The following RBM23 variants were observed in gnomAD, a reference collection of about 807,000 sequenced individuals.
The protein encoded by RBM23 is RNA binding motif protein 23, also known as probable RNA-binding protein 23.
RBM23 carries 53 observed loss-of-function variants against 56.2 expected under a neutral mutation model. The observed-to-expected ratio is 0.94, with a 90% CI of 0.76 to 1.19. The LOEUF (loss-of-function observed/expected upper bound fraction) is 1.19, where lower values mean the gene tolerates loss of function less well. Ranked by LOEUF, RBM23 falls within the 50% of genes most tolerant of loss-of-function variation. The probability of loss-of-function intolerance (pLI) is 0.00; values close to 1 mark genes in which losing one functional copy is unlikely to be tolerated. For missense variants in RBM23, 642 were observed against 590.3 expected (o/e 1.09, Z -0.91); for synonymous variants, 197 against 198.5 (o/e 0.99, Z 0.06).
chr14:22,901,571 T>C lies in RBM23; in HGVS notation c.*159A>G, dbSNP rs2040486862. On this transcript the variant is annotated 3_prime_UTR_variant, in exon 14 of 14. Coordinates refer to ENST00000359890, the MANE Select transcript of RBM23 (RefSeq NM_001077351.2). Reference sequence around the variant, plus strand: ...TTCCAGTGGGACCATGGGCAGGAGCTTTTCTTGGTATCTTAAGGGTGGCCC... The same window carrying C: ...TTCCAGTGGGACCATGGGCAGGAGCCTTTCTTGGTATCTTAAGGGTGGCCC... 9.2e-7 allele frequency: 1 copy of C among 1,083,394 alleles called. No individual in the cohort carries two copies. The highest frequency in any genetic ancestry group is 2.4e-5 in the East Asian group (1 of 40,976). 67.1% of individuals were successfully genotyped at this position (1,083,394 alleles called of 1,614,324 possible).
rs1330333989 is a variant in RBM23 at position 22,899,983 on chromosome 14, TA to T, written c.*1746del. The T allele has an allele frequency of 1.1e-4, 17 of 152,166 alleles. No individual in the cohort carries two copies. The highest frequency in any genetic ancestry group is 8.5e-4 in the Admixed American group (13 of 15,274). The allele number at this position is 152,166 out of a possible 1,614,324, so 9.4% of individuals were successfully genotyped here. On this transcript the variant is annotated 3_prime_UTR_variant, in exon 14 of 14. Transcript: ENST00000359890. Reference sequence around the variant, plus strand: ...AATTCAGGCCTTCTCATTTGGTCCCTAAGCTGGGTGAGACAGCCTCTCTCCC... The same window carrying T: ...AATTCAGGCCTTCTCATTTGGTCCCTAGCTGGGTGAGACAGCCTCTCTCCC...
In RBM23 at chr14:22,899,829, C is replaced by T. The variant is rs2040316968; in HGVS notation, c.*1901G>A. On this transcript the variant is annotated 3_prime_UTR_variant, in exon 14 of 14. Transcript: ENST00000359890. Reference sequence around the variant, plus strand: ...AAAGCAACCCCAGAGGCTAACATCACTGGCTTAGAAGTCTGAGAGCTGACA... The same window carrying T: ...AAAGCAACCCCAGAGGCTAACATCATTGGCTTAGAAGTCTGAGAGCTGACA... 1 of 152,254 alleles carries T rather than the reference C, an allele frequency of 6.6e-6. No homozygotes were observed. Among genetic ancestry groups the T allele is most frequent in the Admixed American group, 6.5e-5 (1 of 15,278 alleles). 9.4% of individuals were successfully genotyped at this position (152,254 alleles called of 1,614,324 possible).
intron 3 of RBM23, 163 bp from the exon 4 acceptor site, chr14:22,908,543 C>G (rs2041955578): frequency 1.6e-6 from 1 of 628,048 alleles, no homozygotes. Flanking sequence ...CAGGCATGTA[C>G]CATCATGCCC....
Position 22,905,157 on chromosome 14 carries a change from T to C in RBM23, c.663A>G (p.Pro221=). 8 of 1,614,218 alleles carry C rather than the reference T, an allele frequency of 5.0e-6. No homozygotes were observed. Among genetic ancestry groups the C allele is most frequent in the Non-Finnish European group, 6.8e-6 (8 of 1,180,036 alleles). Residue 221 remains proline, a synonymous_variant, in exon 8 of 14, where the codon CCA becomes CCG. Coordinates refer to ENST00000359890, the MANE Select transcript of RBM23 (RefSeq NM_001077351.2). ...GCTGCCCAGTCAGCCCAATGGCCAG[T>C]GGCACAGACTGGATTTCACAGAATT... The part of the protein sequence containing the change: ...YVEFCEIQSV[P]LAIGLTGQRL...
chr14:22,905,700 A>G (rs376081060), intron 5 of RBM23, 41 bp from the exon 6 acceptor site: 2 of 1,457,202 alleles, frequency 1.4e-6, no homozygotes, highest in Non-Finnish European at 1.9e-6. Context: ...CCTTATTCTC[A>G]TTGGTCCAAT....
Position 22,898,680 on chromosome 14 carries a change from G to GA in RBM23, c.*3049dup, listed in dbSNP as rs991465134. On this transcript the variant is annotated 3_prime_UTR_variant, in exon 14 of 14. Coordinates refer to ENST00000359890, the MANE Select transcript of RBM23 (RefSeq NM_001077351.2). ...AGGCTATGTGAGGAACTAAGAACAA[G>GA]AAAGAACTGAGGTGGAAGGATCCGA... 1 of 151,942 alleles carries GA rather than the reference G, an allele frequency of 6.6e-6. No homozygotes were observed. The highest frequency in any genetic ancestry group is 2.4e-5 in the African/African-American group (1 of 41,344). 9.4% of individuals were successfully genotyped at this position (151,942 alleles called of 1,614,324 possible).
In RBM23 at chr14:22,902,053, G is replaced by GGCGGCGGCA. The variant is rs1555335625; in HGVS notation, c.1172_1173insTGCCGCCGC (p.Ala391_Ala393dup). 4 of 1,612,516 alleles carry GGCGGCGGCA rather than the reference G, an allele frequency of 2.5e-6. No individual in the cohort carries two copies. Among genetic ancestry groups the GGCGGCGGCA allele is most frequent in the East Asian group, 2.2e-5 (1 of 44,878 alleles). On this transcript the variant is annotated inframe_insertion, in exon 12 of 14. Transcript: ENST00000359890. ...GTTGCAAGGCAGCAGCCTGGGCGGC[G>GGCGGCGGCA]GCGGCAGCAGCAGCAGCAGCAGTGC...
In RBM23 at chr14:22,901,821, G is replaced by T. The variant is rs764108332; in HGVS notation, c.1309C>A (p.Gln437Lys). The part of the protein sequence containing the change: ...CFQLSSLFTP[Q>K]TM Reference sequence around the variant, plus strand: ...CTAGACCCTGAGACTCACATGGTCTGGGGGGTAAAGAGGCTGGAGAGCTGG... The same window carrying T: ...CTAGACCCTGAGACTCACATGGTCTTGGGGGTAAAGAGGCTGGAGAGCTGG... The change falls in exon 13 of 14, where the codon CAG becomes AAG. Residue 437 changes from glutamine (Q) to lysine (K), a missense_variant. Gln to Lys is a moderately conservative substitution (Grantham distance 53). Transcript: ENST00000359890. 1.9e-6 allele frequency: 3 copies of T among 1,614,094 alleles called. No homozygotes were observed. The highest frequency in any genetic ancestry group is 2.2e-5 in the South Asian group (2 of 91,080).
At position 22,893,470 on chromosome 14, in the gene RBM23, T is replaced by C. The variant is rs1050175679; in HGVS notation, c.*8260A>G. ...GTGATACAGCACAAAACAGGCAAAA[T>C]AGCAGCAAACAATACCACATTCTAT... On this transcript the variant is annotated 3_prime_UTR_variant, in exon 14 of 14. Transcript: ENST00000359890. 2.6e-5 allele frequency: 4 copies of C among 152,086 alleles called. No individual in the cohort carries two copies. Among genetic ancestry groups the C allele is most frequent in the Admixed American group, 2.0e-4 (3 of 15,278 alleles). 9.4% of individuals were successfully genotyped at this position (152,086 alleles called of 1,614,324 possible).
rs1323409164 is a variant in RBM23 at position 22,895,789 on chromosome 14, C to G, written c.*5941G>C. 6.6e-6 allele frequency: 1 copy of G among 152,240 alleles called. No individual in the cohort carries two copies. Among genetic ancestry groups the G allele is most frequent in the East Asian group, 1.9e-4 (1 of 5,204 alleles). The allele number at this position is 152,240 out of a possible 1,614,324, so 9.4% of individuals were successfully genotyped here. A position where few individuals can be genotyped will look rare whatever the true frequency, so the allele number is the denominator to read the frequency against. On this transcript the variant is annotated 3_prime_UTR_variant, in exon 14 of 14. Coordinates refer to ENST00000359890, the MANE Select transcript of RBM23 (RefSeq NM_001077351.2). ...GACCCTGTCTCAAAACAAAACAAAACTGAGTGCCCTGGTATTTTTCCCCTG... is the reference window on the plus strand; with the variant it reads ...GACCCTGTCTCAAAACAAAACAAAAGTGAGTGCCCTGGTATTTTTCCCCTG...
At chr14:22,909,376 G>A (rs557915197) in intron 3 of RBM23, 107 bp downstream of exon 3, 25 of 851,956 alleles carry the variant, frequency 2.9e-5, no homozygotes, top group Admixed American at 9.0e-5. Flanking sequence ...ATTACTAACA[G>A]TCAGCAGTCT....
Position 22,904,260 on chromosome 14 carries a change from C to T in RBM23, c.930+1G>A. On this transcript the variant is annotated splice_donor_variant, in intron 10 of 13. Transcript: ENST00000359890. LOFTEE classifies it high-confidence loss of function. ...AAAAAATTAAAAGACTAGAGACTCACCGTGATGAAACCATAACCTTTAGAG... is the reference window on the plus strand; with the variant it reads ...AAAAAATTAAAAGACTAGAGACTCATCGTGATGAAACCATAACCTTTAGAG... The T allele has an allele frequency of 6.2e-7, 1 of 1,614,004 alleles. No homozygotes were observed. Among genetic ancestry groups the T allele is most frequent in the Non-Finnish European group, 8.5e-7 (1 of 1,179,926 alleles).
chr14:22,909,936 T>C (rs2042173492), intron 2 of RBM23, among the ~76,000 whole-genome samples: 1 of 151,584 alleles, frequency 6.6e-6, no homozygotes, highest in Non-Finnish European at 1.5e-5. Flanking sequence ...GCGGATCAAT[T>C]GAGGCCAGGA....
chr14:22,909,012 G>A (rs999588853), intron 3 of RBM23, among the ~76,000 whole-genome samples: 7 of 150,848 alleles, frequency 4.6e-5, no homozygotes, highest in African/African-American at 1.7e-4. Context: ...GTGCGACCTC[G>A]GCTCACTACA....
intron 2 of RBM23, among the ~76,000 whole-genome samples, chr14:22,910,073 A>T (rs1363252023): frequency 6.8e-6 from 1 of 147,364 alleles, no homozygotes; most frequent in East Asian, 2.0e-4. Flanking sequence ...GAATCATTTG[A>T]ATCTGGGAGG....
intron 4 of RBM23, among the ~76,000 whole-genome samples, chr14:22,907,808 C>G (rs2041824930): frequency 6.6e-6 from 1 of 152,144 alleles, no homozygotes; most frequent in South Asian, 2.1e-4. Context: ...TGAAGACCTT[C>G]CAGTGGGACA....
At chr14:22,914,651 T>C (rs1175528255) in intron 1 of RBM23, among the ~76,000 whole-genome samples, 2 of 151,944 alleles carry the variant, frequency 1.3e-5, no homozygotes, top group Admixed American at 6.6e-5. Flanking sequence ...GGAATTTCTA[T>C]GCAAGGAGGC....
In RBM23 at chr14:22,899,368, A is replaced by T. The variant is rs1595046999; in HGVS notation, c.*2362T>A. ...TGCTCTTGAAATTCCCAGCCTCCAG[A>T]ACTGTGAGAAATACACTTTTCTGTT... On this transcript the variant is annotated 3_prime_UTR_variant, in exon 14 of 14. Transcript: ENST00000359890. 1.3e-5 allele frequency: 2 copies of T among 152,444 alleles called. No homozygotes were observed. The highest frequency in any genetic ancestry group is 3.8e-4 in the East Asian group (2 of 5,204). The allele number at this position is 152,444 out of a possible 1,614,324, so 9.4% of individuals were successfully genotyped here. A position where few individuals can be genotyped will look rare whatever the true frequency, so the allele number is the denominator to read the frequency against.
At chr14:22,914,322 T>TC (rs1555347065) in intron 1 of RBM23, among the ~76,000 whole-genome samples, 2 of 46,176 alleles carry the variant, frequency 4.3e-5, no homozygotes, top group African/African-American at 1.6e-4. Context: ...AGACTCTGTC[T>TC]CAAAAAAAAA....
Sources: gnomAD v4.1 joint callset for allele counts (sites outside exome capture counted in the v4.1 genomes callset) on GRCh38, gnomAD v4.1.1 for gene constraint, MANE v1.5 for transcripts, NCBI Gene and HGNC (gene_info 2026-07-23, HGNC 2026-07-21) for gene names.